TMEM45A: variants seen among roughly 807,000 people sequenced by gnomAD.
The protein encoded by TMEM45A is DNA polymerase-transactivated protein 4.
In TMEM45A, 25 loss-of-function variants were observed where a neutral mutation model predicts 32.0. The observed-to-expected ratio is 0.78, with a 90% confidence interval of 0.57 to 1.09. The LOEUF is 1.09. Ranked by LOEUF, TMEM45A falls within the 50% of genes least tolerant of loss-of-function variation. The pLI is 0.00. For missense variants in TMEM45A, 302 were observed against 325.0 expected (o/e 0.93, Z 0.54); for synonymous variants, 122 against 114.8 (o/e 1.06, Z -0.40).
At chr3:100,529,922 C>T (rs1299451877) in intron 1 of TMEM45A, among the ~76,000 whole-genome samples, 1 of 152,074 alleles carries the variant, frequency 6.6e-6, no homozygotes, top group Non-Finnish European at 1.5e-5. Flanking sequence ...CTAGGCCAAC[C>T]TTGATTTCTG....
chr3:100,536,149 G>A (rs1173825513), intron 1 of TMEM45A, among the ~76,000 whole-genome samples: 1 of 152,094 alleles, frequency 6.6e-6, no homozygotes, highest in Non-Finnish European at 1.5e-5. Flanking sequence ...ACAATGCACA[G>A]AACCCCTCAC....
chr3:100,547,885 T>C (rs1706011299), intron 1 of TMEM45A, among the ~76,000 whole-genome samples: 1 of 152,160 alleles, frequency 6.6e-6, no homozygotes, highest in Non-Finnish European at 1.5e-5. Flanking sequence ...CATTTGTTCT[T>C]AGTTTTTGTT....
chr3:100,568,487 A>G (rs948780194), intron 4 of TMEM45A, among the ~76,000 whole-genome samples: 2 of 152,142 alleles, frequency 1.3e-5, no homozygotes, highest in African/African-American at 4.8e-5. Flanking sequence ...TTATTTTAAA[A>G]CCTTTTTGTA....
At chr3:100,496,216 C>T (rs775054119) in intron 1 of TMEM45A, among the ~76,000 whole-genome samples, 5 of 152,182 alleles carry the variant, frequency 3.3e-5, no homozygotes, top group Admixed American at 2.0e-4. Flanking sequence ...TTCTTCTCCC[C>T]GGATCCCTGG....
intron 1 of TMEM45A, among the ~76,000 whole-genome samples, chr3:100,531,769 C>T (rs58689996): frequency 0.19 from 28,965 of 152,122 alleles, 3,226 homozygotes; most frequent in East Asian, 0.31. Context: ...ATATTCTGTA[C>T]CAAAAAGATG....
chr3:100,537,377 A>C (rs1320315824), intron 1 of TMEM45A, among the ~76,000 whole-genome samples: 1 of 152,154 alleles, frequency 6.6e-6, no homozygotes. Flanking sequence ...GAACTCAGAG[A>C]TCTATTAGCC....
rs76473859 is a variant in TMEM45A at position 100,496,683 on chromosome 3, C to T, written c.-4+3755C>T. Among the ~76,000 whole-genome samples the T allele has an allele frequency of 7.9e-3, 1,209 of 152,316 alleles. 17 individuals carry two copies. Among genetic ancestry groups the T allele is most frequent in the African/African-American group, 0.028 (1,149 of 41,558 alleles). ...ATGTGCTCCATATGGAGACAGGAGA[C>T]ATGTGGATCTCATTGCAGGCATGCA... On this transcript the variant is annotated intron_variant, in intron 1 of 5. Transcript: ENST00000323523.
At chr3:100,562,081 C>T (rs986735619) in intron 4 of TMEM45A, among the ~76,000 whole-genome samples, 1 of 152,038 alleles carries the variant, frequency 6.6e-6, no homozygotes, top group African/African-American at 2.4e-5. Flanking sequence ...GGAAATTGGC[C>T]CCAGGCTTAT....
chr3:100,532,848 C>T (rs1705670364), intron 1 of TMEM45A, among the ~76,000 whole-genome samples: 1 of 152,112 alleles, frequency 6.6e-6, no homozygotes, highest in African/African-American at 2.4e-5. Flanking sequence ...AAAAATAGTA[C>T]CTCAAGGAAT....
At chr3:100,544,062 A>G (rs1253635235) in intron 1 of TMEM45A, among the ~76,000 whole-genome samples, 1 of 150,204 alleles carries the variant, frequency 6.7e-6, no homozygotes, top group African/African-American at 2.5e-5. Flanking sequence ...ATTTGGACAT[A>G]TAGAAGTTTT....
At chr3:100,565,976 C>T (rs1033841913) in intron 4 of TMEM45A, among the ~76,000 whole-genome samples, 1 of 152,164 alleles carries the variant, frequency 6.6e-6, no homozygotes, top group Non-Finnish European at 1.5e-5. Flanking sequence ...CTTTCTGTCT[C>T]TATGAATATT....
intron 1 of TMEM45A, among the ~76,000 whole-genome samples, chr3:100,505,511 T>C (rs1469675495): frequency 6.6e-6 from 1 of 152,230 alleles, no homozygotes; most frequent in South Asian, 2.1e-4. Flanking sequence ...GAGAATGTGA[T>C]GTAGCAAAGT....
chr3:100,528,686 T>A (rs991232402), intron 1 of TMEM45A, among the ~76,000 whole-genome samples: 1 of 152,204 alleles, frequency 6.6e-6, no homozygotes, highest in African/African-American at 2.4e-5. Flanking sequence ...CTCTTTTTTT[T>A]AAACACAGTT....
intron 1 of TMEM45A, among the ~76,000 whole-genome samples, chr3:100,552,668 T>C (rs1182940279): frequency 6.6e-6 from 1 of 152,164 alleles, no homozygotes; most frequent in African/African-American, 2.4e-5. Flanking sequence ...GATGATTAGT[T>C]CAGTTTTGGG....
chr3:100,497,406 T>C (rs1576253123), intron 1 of TMEM45A, among the ~76,000 whole-genome samples: 1 of 152,336 alleles, frequency 6.6e-6, no homozygotes, highest in East Asian at 1.9e-4. Flanking sequence ...GTAAAATATA[T>C]AACATAAAAT....
intron 1 of TMEM45A, among the ~76,000 whole-genome samples, chr3:100,521,558 CCT>C (rs1373348415): frequency 6.6e-6 from 1 of 152,176 alleles, no homozygotes; most frequent in Non-Finnish European, 1.5e-5. Flanking sequence ...AGCCTCATTT[CCT>C]CTTTCTGATA....
intron 1 of TMEM45A, among the ~76,000 whole-genome samples, chr3:100,548,862 T>C (rs1465512706): frequency 1.3e-5 from 2 of 152,196 alleles, no homozygotes; most frequent in African/African-American, 2.4e-5. Flanking sequence ...AGCAGTTTTC[T>C]TTCATCATTT....
intron 1 of TMEM45A, chr3:100,519,718 A>G: frequency 4.5e-6 from 5 of 1,116,922 alleles, no homozygotes; most frequent in Non-Finnish European, 6.5e-6. Flanking sequence ...TATTTATGAC[A>G]TTGTGCAAGT....
At chr3:100,528,710 A>G (rs1705593513) in intron 1 of TMEM45A, among the ~76,000 whole-genome samples, 2 of 152,132 alleles carry the variant, frequency 1.3e-5, no homozygotes, top group African/African-American at 2.4e-5. Context: ...TTCTCCCTCT[A>G]TAAGCTAAGT....
Sources: gnomAD v4.1 joint callset for allele counts (sites outside exome capture counted in the v4.1 genomes callset) on GRCh38, gnomAD v4.1.1 for gene constraint, MANE v1.5 for transcripts, NCBI Gene and HGNC (gene_info 2026-07-23, HGNC 2026-07-21) for gene names.